The following ELMO2 variants were observed in gnomAD, a reference collection of about 807,000 sequenced individuals.
ELMO2 encodes engulfment and cell motility 2.
Under a neutral mutation model 96.2 loss-of-function variants are expected in ELMO2, and 37 were observed. The ratio of observed to expected loss-of-function variants is 0.38; its 90% confidence interval spans 0.30 to 0.51. The LOEUF is 0.51. ELMO2 is among the 20% of genes least tolerant of loss of function. The pLI is 0.88. For missense variants in ELMO2, 561 were observed against 912.6 expected, an observed-to-expected ratio of 0.61 and a Z score of 4.96; for synonymous variants, 315 against 329.4, an observed-to-expected ratio of 0.96 and a Z score of 0.47.
rs2059598602 is a variant in ELMO2 at position 46,367,093 on chromosome 20, G to A, written c.*267C>T. Reference sequence around the variant, plus strand: ...AGCAGTTTCTTGGACTGGAAGGCAAGGGCATCTGCTGTTTGTTCCTCGTGG... The same window carrying A: ...AGCAGTTTCTTGGACTGGAAGGCAAAGGCATCTGCTGTTTGTTCCTCGTGG... On this transcript the variant is annotated 3_prime_UTR_variant, in exon 22 of 22. Coordinates refer to ENST00000290246, the MANE Select transcript of ELMO2 (RefSeq NM_133171.5). The A allele has an allele frequency of 8.8e-6, 3 of 339,076 alleles. No individual in the cohort carries two copies. The highest frequency in any genetic ancestry group is 1.6e-5 in the Non-Finnish European group (3 of 188,580). The allele number at this position is 339,076 out of a possible 1,614,324, so 21.0% of individuals were successfully genotyped here. A position where few individuals can be genotyped will look rare whatever the true frequency, so the allele number is the denominator to read the frequency against.
chr20:46,378,339 T>C (rs1009425877), intron 11 of ELMO2, among the ~76,000 whole-genome samples: 1 of 152,210 alleles, frequency 6.6e-6, no homozygotes, highest in Non-Finnish European at 1.5e-5. Context: ...GTCCTGATGC[T>C]GAACTGCCTT....
intron 4 of ELMO2, 150 bp downstream of exon 4, chr20:46,393,899 C>G (rs747943019): frequency 1.7e-4 from 188 of 1,086,998 alleles, no homozygotes; most frequent in Non-Finnish European, 2.4e-4. Context: ...TGGTTGTCAA[C>G]TGTACTTCCT....
chr20:46,393,206 GT>G, intron 5 of ELMO2, 63 bp from the exon 6 acceptor site: 2 of 1,497,784 alleles, frequency 1.3e-6, no homozygotes, highest in South Asian at 2.3e-5. Flanking sequence ...GTACAAGCAA[GT>G]TGAATCAACA....
chr20:46,380,347 A>G (rs950578849), intron 10 of ELMO2, 44 bp from the exon 11 acceptor site: 1 of 1,493,934 alleles, frequency 6.7e-7, no homozygotes. Context: ...TGGCAGGCAC[A>G]CACCTGTGAC....
rs556758841 is a variant in ELMO2, at chr20:46,374,214, T to G, written c.1279+118A>C. ...GCCTCAGTCTCCCAAAGTGCTGAGA[T>G]TACAGGTGTGAACCACCACGCCCGA... On this transcript the variant is annotated intron_variant, in intron 15 of 21. Coordinates refer to ENST00000290246, the MANE Select transcript of ELMO2 (RefSeq NM_133171.5). 230 of 718,496 alleles carry G rather than the reference T, an allele frequency of 3.2e-4. 1 individual carries two copies. The African/African-American group carries it at 3.6e-3, about 11-fold the overall frequency. The allele number at this position is 718,496 out of a possible 1,614,324, so 44.5% of individuals were successfully genotyped here.
chr20:46,369,063 C>A, intron 20 of ELMO2, 95 bp from the exon 21 acceptor site: 1 of 1,116,914 alleles, frequency 9.0e-7, no homozygotes, highest in Non-Finnish European at 1.4e-6. Flanking sequence ...GCATCATCAC[C>A]AAACATGCTG....
chr20:46,378,878 T>C (rs2059907559), intron 11 of ELMO2, among the ~76,000 whole-genome samples: 1 of 152,216 alleles, frequency 6.6e-6, no homozygotes, highest in South Asian at 2.1e-4. Flanking sequence ...GATTGGAAAA[T>C]GGCAGACTCC....
At position 46,406,354 on chromosome 20, in the gene ELMO2, C is replaced by A. The variant is rs2145873121; in HGVS notation, c.-126+194G>T. On this transcript the variant is annotated intron_variant, in intron 1 of 21. Transcript: ENST00000290246. The stretch of plus-strand genomic sequence containing the variant: ...CCGGTCTCTCCTCCCTTCCTAAGGC[C>A]CCGGCAGGGCCGCCACCCCTCGGGG... 2.0e-5 allele frequency among the ~76,000 whole-genome samples: 3 copies of A among 152,298 alleles called. 1 individual carries two copies. In the South Asian group the frequency reaches 6.2e-4, roughly 32 times the overall value.
intron 7 of ELMO2, 33 bp from the exon 8 acceptor site, chr20:46,387,470 CAA>C: frequency 1.3e-6 from 2 of 1,571,342 alleles, no homozygotes; most frequent in South Asian, 1.1e-5. Flanking sequence ...ACAAAATAGA[CAA>C]AGATTCAGAT....
intron 9 of ELMO2, among the ~76,000 whole-genome samples, chr20:46,385,248 G>C (rs545632542): frequency 6.6e-6 from 1 of 152,316 alleles, no homozygotes; most frequent in East Asian, 1.9e-4. Context: ...GCAAAGTCCA[G>C]CTTCCTTACA....
At chr20:46,376,796 C>A in intron 11 of ELMO2, 1 of 1,289,178 alleles carries the variant, frequency 7.8e-7, no homozygotes, top group Non-Finnish European at 1.0e-6. Flanking sequence ...TTCAATTTCC[C>A]TACTCAGTAG....
At chr20:46,388,636 T>C (rs1210286517) in intron 7 of ELMO2, among the ~76,000 whole-genome samples, 4 of 151,962 alleles carry the variant, frequency 2.6e-5, no homozygotes, top group Non-Finnish European at 5.9e-5. Context: ...GGGAGGTGAC[T>C]GAAGAGGGAG....
intron 20 of ELMO2, chr20:46,370,042 T>G: frequency 2.8e-6 from 1 of 358,226 alleles, no homozygotes; most frequent in Admixed American, 4.3e-5. Context: ...AGAGAAATTA[T>G]GACATTTATA....
intron 8 of ELMO2, among the ~76,000 whole-genome samples, chr20:46,386,861 TG>T (rs1443819227): frequency 6.6e-6 from 1 of 152,240 alleles, no homozygotes; most frequent in African/African-American, 2.4e-5. Context: ...ACTGCTCCTT[TG>T]TGTAAAAGAA....
chr20:46,391,574 C>T (rs1222477165), intron 6 of ELMO2, among the ~76,000 whole-genome samples: 1 of 152,144 alleles, frequency 6.6e-6, no homozygotes. Flanking sequence ...ACCAAAGGTG[C>T]AACCATATTG....
chr20:46,371,036 A>C lies in ELMO2; in HGVS notation c.1801+316T>G, dbSNP rs1207623335. Reference sequence around the variant, plus strand: ...AGAACTTGCAATTAATTAGAATTCAAGTTAATTAGGAGCAAAGCCAGGATT... The same window carrying C: ...AGAACTTGCAATTAATTAGAATTCACGTTAATTAGGAGCAAAGCCAGGATT... On this transcript the variant is annotated intron_variant, in intron 19 of 21. Transcript: ENST00000290246. The surrounding 1 kb of genome is among the most constrained non-coding windows in gnomAD (Gnocchi z 5.9). Among the ~76,000 whole-genome samples the C allele has an allele frequency of 1.3e-5, 2 of 152,248 alleles. No individual in the cohort carries two copies. Among genetic ancestry groups the C allele is most frequent in the Non-Finnish European group, 2.9e-5 (2 of 68,038 alleles).
At chr20:46,399,540 C>T (rs1398348875) in intron 1 of ELMO2, among the ~76,000 whole-genome samples, 1 of 152,174 alleles carries the variant, frequency 6.6e-6, no homozygotes, top group Non-Finnish European at 1.5e-5. Flanking sequence ...AGGACAGGGG[C>T]CTCTGTGTTC....
At position 46,371,916 on chromosome 20, in the gene ELMO2, G is replaced by A. The variant is rs574674005; in HGVS notation, c.1470C>T (p.Asn490=). 6.8e-6 allele frequency: 11 copies of A among 1,614,198 alleles called. No individual in the cohort carries two copies. Among genetic ancestry groups the A allele is most frequent in the East Asian group, 2.2e-5 (1 of 44,884 alleles). The change falls in exon 17 of 22, where the codon AAC becomes AAT. Residue 490 remains asparagine (N), a synonymous_variant. Coordinates refer to ENST00000290246, the MANE Select transcript of ELMO2 (RefSeq NM_133171.5). The surrounding 1 kb of genome is among the most constrained non-coding windows in gnomAD (Gnocchi z 5.9). ...ATTTGCTCTTGAACTGATCCAAAGAGTTGGGTTTGGAGGGCAAAGCTCGAG... is the reference window on the plus strand; with the variant it reads ...ATTTGCTCTTGAACTGATCCAAAGAATTGGGTTTGGAGGGCAAAGCTCGAG... ...QITRALPSKP[N]SLDQFKSKLR... is the part of the protein sequence containing the mutation.
chr20:46,383,381 G>C (rs1365409828), intron 10 of ELMO2, 35 bp downstream of exon 10: 4 of 1,584,774 alleles, frequency 2.5e-6, no homozygotes, highest in Non-Finnish European at 3.5e-6. Context: ...TCTCAGAAGA[G>C]CCCAGATGAA....
Sources: gnomAD v4.1 joint callset for allele counts (sites outside exome capture counted in the v4.1 genomes callset) on GRCh38, gnomAD v4.1.1 for gene constraint, Gnocchi (gnomAD v3.1) non-coding constraint, MANE v1.5 for transcripts, NCBI Gene and HGNC (gene_info 2026-07-23, HGNC 2026-07-21) for gene names.